Variants in MOV10 observed in about 807,000 individuals in gnomAD.
The protein encoded by MOV10 is RNA helicase MOV-10.
In MOV10, 39 loss-of-function variants were observed where a neutral mutation model predicts 108.4. That is an observed-to-expected ratio of 0.36 (90% CI 0.28 to 0.47). The LOEUF is 0.47. MOV10 is among the 20% of genes least tolerant of loss of function. The pLI, the probability that MOV10 is intolerant of heterozygous loss-of-function variation, is 1.00. For missense variants in MOV10, 952 were observed against 1,297.6 expected (o/e 0.73, Z 4.09); for synonymous variants, 490 against 523.1 (o/e 0.94, Z 0.86).
intron 2 of MOV10, among the ~76,000 whole-genome samples, chr1:112,681,929 CTT>C (rs1176409928): frequency 6.8e-6 from 1 of 146,258 alleles, no homozygotes; most frequent in Middle Eastern, 3.5e-3. Flanking sequence ...CAGTTTTGCT[CTT>C]GTTACCCAGG....
At chr1:112,683,743 G>A (rs1458060598) in intron 2 of MOV10, among the ~76,000 whole-genome samples, 1 of 152,094 alleles carries the variant, frequency 6.6e-6, no homozygotes, top group African/African-American at 2.4e-5. Context: ...AATATCCCAC[G>A]GTATGAGTGC....
intron 2 of MOV10, among the ~76,000 whole-genome samples, chr1:112,677,956 G>A (rs1006998094): frequency 1.7e-4 from 26 of 152,082 alleles, no homozygotes; most frequent in Non-Finnish European, 7.3e-5. Context: ...GTGTGCCTGT[G>A]CCTTGGTCCT....
intron 7 of MOV10, among the ~76,000 whole-genome samples, chr1:112,693,173 C>T (rs755968423): frequency 6.6e-6 from 1 of 152,228 alleles, no homozygotes; most frequent in African/African-American, 2.4e-5. Flanking sequence ...TTCTCTAAGC[C>T]TTAGTTCCCT....
Position 112,694,668 on chromosome 1 carries a change from G to A in MOV10, c.1472+39G>A, listed in dbSNP as rs569030388. On this transcript the variant is annotated intron_variant, in intron 9 of 20. Transcript: ENST00000369645. The surrounding 1 kb of genome is among the most constrained non-coding windows in gnomAD (Gnocchi z 4.1). The stretch of plus-strand genomic sequence containing the variant: ...CAGGGAGCTTCTGGAGCCACTTGGA[G>A]TGTGGGCACAGGGGGTGGAGTCAGG... 15 of 1,593,028 alleles carry A rather than the reference G, an allele frequency of 9.4e-6. No homozygotes were observed. The African/African-American group carries it at 1.5e-4, about 16-fold the overall frequency.
At chr1:112,698,890 C>A in intron 17 of MOV10, 101 bp downstream of exon 17, 2 of 980,250 alleles carry the variant, frequency 2.0e-6, no homozygotes, top group South Asian at 1.3e-5. Flanking sequence ...CGTCCCCGTC[C>A]CACCCCTGCT....
Position 112,697,986 on chromosome 1 carries a change from C to A in MOV10, c.2199-8C>A. 1.2e-6 allele frequency: 2 copies of A among 1,611,032 alleles called. No individual in the cohort carries two copies. Among genetic ancestry groups the A allele is most frequent in the South Asian group, 2.2e-5 (2 of 91,022 alleles). On this transcript the variant is annotated splice_polypyrimidine_tract_variant and splice_region_variant and intron_variant, in intron 14 of 20. Coordinates refer to ENST00000369645, the MANE Select transcript of MOV10 (RefSeq NM_001321324.2). ...CTTGGTCTTGCTTTTCCTCCTCCGG[C>A]CTCCCAGGTCTCATCCCACCATCCT...
rs1238251264 is a variant in MOV10, at chr1:112,674,999, G to A, written c.87G>A (p.Glu29=). 1.3e-6 allele frequency: 2 copies of A among 1,584,438 alleles called. No homozygotes were observed. The highest frequency in any genetic ancestry group is 2.3e-5 in the South Asian group (2 of 88,386). ...SFLVVRGLDM[E]TDRERLRTIY... ...TGGTCGTTCGGGGACTGGACATGGAGACAGATCGCGAGCGGCTGCGGACCA... is the reference window on the plus strand; with the variant it reads ...TGGTCGTTCGGGGACTGGACATGGAAACAGATCGCGAGCGGCTGCGGACCA... The change falls in exon 2 of 21, where the codon GAG becomes GAA. Residue 29 remains glutamate (E), a synonymous_variant. Transcript: ENST00000369645.
At chr1:112,680,649 C>T (rs1355445303) in intron 2 of MOV10, among the ~76,000 whole-genome samples, 5 of 127,942 alleles carry the variant, frequency 3.9e-5, no homozygotes, top group Non-Finnish European at 8.2e-5. Context: ...GAGTGAGACT[C>T]CGTCTCAAAA....
Position 112,698,123 on chromosome 1 carries a change from C to T in MOV10, c.2316+12C>T, listed in dbSNP as rs905976256. 1.2e-6 allele frequency: 2 copies of T among 1,612,274 alleles called. No homozygotes were observed. Among genetic ancestry groups the T allele is most frequent in the Non-Finnish European group, 1.7e-6 (2 of 1,178,536 alleles). On this transcript the variant is annotated intron_variant, in intron 15 of 20. Transcript: ENST00000369645. ...GCCTACCTCGACAGGTGAGGCTGAG[C>T]AGGGCAGGCCCCACCCCTGTACCCT...
chr1:112,680,972 G>A (rs1672603550), intron 2 of MOV10, among the ~76,000 whole-genome samples: 1 of 151,782 alleles, frequency 6.6e-6, no homozygotes, highest in African/African-American at 2.4e-5. Context: ...AAAGTGCTGG[G>A]ATTACAGGCG....
intron 2 of MOV10, among the ~76,000 whole-genome samples, chr1:112,681,886 A>C: frequency 6.6e-6 from 1 of 152,002 alleles, no homozygotes; most frequent in Non-Finnish European, 1.5e-5. Context: ...GAAATAAAAA[A>C]AAATTGTTTA....
chr1:112,697,900 T>C, intron 14 of MOV10, 94 bp from the exon 15 acceptor site: 1 of 989,212 alleles, frequency 1.0e-6, no homozygotes, highest in South Asian at 1.3e-5. Context: ...GGTAGCAGGC[T>C]ATTGTGTGTG....
Position 112,698,117 on chromosome 1 carries a change from G to A in MOV10, c.2316+6G>A. 2 of 1,613,492 alleles carry A rather than the reference G, an allele frequency of 1.2e-6. No homozygotes were observed. The highest frequency in any genetic ancestry group is 1.7e-6 in the Non-Finnish European group (2 of 1,179,578). ...GGGCGGGCCTACCTCGACAGGTGAG[G>A]CTGAGCAGGGCAGGCCCCACCCCTG... On this transcript the variant is annotated splice_donor_region_variant and intron_variant, in intron 15 of 20. Coordinates refer to ENST00000369645, the MANE Select transcript of MOV10 (RefSeq NM_001321324.2).
Position 112,699,715 on chromosome 1 carries a change from G to A in MOV10, c.2614G>A (p.Glu872Lys). 6.2e-7 allele frequency: 1 copy of A among 1,614,212 alleles called. No homozygotes were observed. The part of the protein sequence containing the change: ...VGSVEEFQGQ[E>K]RSVILISTVR... ...TTCAGTAGAAGAATTCCAAGGCCAA[G>A]AACGAAGCGTCATCCTCATCTCCAC... Residue 872 changes from glutamate (E) to lysine (K), a missense_variant, in exon 18 of 21, where the codon GAA becomes AAA. Glu to Lys is a moderately conservative substitution (Grantham distance 56). Coordinates refer to ENST00000369645, the MANE Select transcript of MOV10 (RefSeq NM_001321324.2).
intron 2 of MOV10, among the ~76,000 whole-genome samples, chr1:112,687,668 T>C (rs865936048): frequency 6.6e-6 from 1 of 152,182 alleles, no homozygotes; most frequent in South Asian, 2.1e-4. Flanking sequence ...CATTTCACTC[T>C]AGCACAATGA....
intron 19 of MOV10, 45 bp from the exon 20 acceptor site, chr1:112,700,174 T>C: frequency 6.2e-7 from 1 of 1,613,412 alleles, no homozygotes; most frequent in Non-Finnish European, 8.5e-7. Flanking sequence ...GACAGGACCG[T>C]GGCTTAGCCT....
At chr1:112,695,292 G>T in intron 10 of MOV10, 124 bp from the exon 11 acceptor site, 1 of 940,370 alleles carries the variant, frequency 1.1e-6, no homozygotes, top group Non-Finnish European at 1.6e-6. Flanking sequence ...TGTACGGGTA[G>T]GGCACTGCAT....
intron 3 of MOV10, 67 bp from the exon 4 acceptor site, chr1:112,689,348 T>C (rs1191546188): frequency 1.4e-6 from 2 of 1,475,172 alleles, no homozygotes; most frequent in East Asian, 4.5e-5. Context: ...CCTAAAGCTT[T>C]CCCCAGGGTA....
chr1:112,699,500 T>G (rs1106287), intron 17 of MOV10, 185 bp from the exon 18 acceptor site: 323,794 of 1,436,076 alleles, frequency 0.23, 40,157 homozygotes, highest in East Asian at 0.57. Flanking sequence ...TCAACCTTCA[T>G]GTTTCAGCTT....
Sources: gnomAD v4.1 joint callset for allele counts (sites outside exome capture counted in the v4.1 genomes callset) on GRCh38, gnomAD v4.1.1 for gene constraint, Gnocchi (gnomAD v3.1) non-coding constraint, MANE v1.5 for transcripts, NCBI Gene and HGNC (gene_info 2026-07-23, HGNC 2026-07-21) for gene names.